ITGA9: variants seen among roughly 807,000 people sequenced by gnomAD.
ITGA9 encodes integrin alpha-9.
A neutral mutation model predicts 127.8 loss-of-function variants in ITGA9; 56 were observed. The ratio of observed to expected loss-of-function variants is 0.44; its 90% CI spans 0.35 to 0.55. The LOEUF (loss-of-function observed/expected upper bound fraction) is 0.55. ITGA9 is among the 20% of genes least tolerant of loss of function. The pLI is 0.00. For synonymous variants in ITGA9, 508 were observed against 514.5 expected (o/e 0.99, Z 0.17); for missense variants, 1,196 against 1,347.1 (o/e 0.89, Z 1.76).
intron 17 of ITGA9, among the ~76,000 whole-genome samples, chr3:37,672,941 C>A (rs1319885277): frequency 6.6e-6 from 1 of 150,774 alleles, no homozygotes; most frequent in African/African-American, 2.4e-5. Context: ...CAATACCTTT[C>A]TTGGTTAGTA....
intron 23 of ITGA9, among the ~76,000 whole-genome samples, chr3:37,752,130 A>G (rs1247199137): frequency 6.6e-6 from 1 of 152,222 alleles, no homozygotes; most frequent in Non-Finnish European, 1.5e-5. Flanking sequence ...CCTCTGCCTT[A>G]AAGCCCTCGG....
intron 15 of ITGA9, among the ~76,000 whole-genome samples, chr3:37,562,701 A>G (rs942764760): frequency 3.3e-5 from 5 of 152,198 alleles, no homozygotes; most frequent in Non-Finnish European, 5.9e-5. Context: ...TGGATTTAAA[A>G]GTGATGTTTA....
chr3:37,495,082 T>C (rs767326597), intron 5 of ITGA9, among the ~76,000 whole-genome samples: 2 of 152,130 alleles, frequency 1.3e-5, no homozygotes, highest in Non-Finnish European at 2.9e-5. Flanking sequence ...CAAGCAATTC[T>C]CTTGCCTTAG....
At chr3:37,639,895 T>A (rs1700315825) in intron 16 of ITGA9, among the ~76,000 whole-genome samples, 1 of 152,164 alleles carries the variant, frequency 6.6e-6, no homozygotes, top group African/African-American at 2.4e-5. Context: ...AGCAATGCTG[T>A]CCTTGGACTG....
At chr3:37,605,444 GA>G (rs1699959233) in intron 15 of ITGA9, among the ~76,000 whole-genome samples, 2 of 152,222 alleles carry the variant, frequency 1.3e-5, no homozygotes, top group South Asian at 4.1e-4. Context: ...AGCAAGCAGA[GA>G]GTCTGAGGTG....
chr3:37,698,892 G>T (rs1390985052), intron 18 of ITGA9, among the ~76,000 whole-genome samples: 2 of 152,104 alleles, frequency 1.3e-5, no homozygotes, highest in Admixed American at 6.6e-5. Flanking sequence ...GTTTCTTTGT[G>T]ATTTAGAGCT....
intron 23 of ITGA9, among the ~76,000 whole-genome samples, chr3:37,773,011 C>A (rs2125548096): frequency 6.6e-6 from 1 of 152,342 alleles, no homozygotes; most frequent in East Asian, 1.9e-4. Context: ...GAGGCTTAGG[C>A]TGTTTCTCAC....
At chr3:37,536,882 T>C (rs1233389154) in intron 14 of ITGA9, among the ~76,000 whole-genome samples, 1 of 152,250 alleles carries the variant, frequency 6.6e-6, no homozygotes, top group African/African-American at 2.4e-5. Context: ...TGGGAGTAAC[T>C]GCAGGAAGCA....
intron 15 of ITGA9, among the ~76,000 whole-genome samples, chr3:37,608,504 T>C (rs1699989311): frequency 6.6e-6 from 1 of 152,208 alleles, no homozygotes; most frequent in Non-Finnish European, 1.5e-5. Context: ...TGCTGGTTCA[T>C]GGACTCCAGA....
At chr3:37,566,382 T>G (rs553393876) in intron 15 of ITGA9, among the ~76,000 whole-genome samples, 1 of 152,296 alleles carries the variant, frequency 6.6e-6, no homozygotes, top group East Asian at 1.9e-4. Context: ...AGCATGCAGT[T>G]TAAAACTTGT....
At chr3:37,607,831 G>A (rs1433530031) in intron 15 of ITGA9, among the ~76,000 whole-genome samples, 1 of 152,200 alleles carries the variant, frequency 6.6e-6, no homozygotes, top group East Asian at 1.9e-4. Context: ...AGTGACATCA[G>A]GGGGCGGGGA....
intron 4 of ITGA9, among the ~76,000 whole-genome samples, chr3:37,493,875 A>G (rs913671712): frequency 3.9e-5 from 6 of 152,118 alleles, no homozygotes; most frequent in Admixed American, 2.6e-4. Flanking sequence ...GAACGCCCCC[A>G]TTTGTTGGGT....
chr3:37,813,131 G>C (rs1008243437), intron 27 of ITGA9, among the ~76,000 whole-genome samples: 1 of 152,216 alleles, frequency 6.6e-6, no homozygotes, highest in African/African-American at 2.4e-5. Flanking sequence ...TACTATAGCA[G>C]GCTGAAGGGG....
At chr3:37,456,221 C>T (rs547195856) in intron 1 of ITGA9, among the ~76,000 whole-genome samples, 4 of 152,260 alleles carry the variant, frequency 2.6e-5, no homozygotes, top group South Asian at 2.1e-4. Context: ...TTCCAGATGA[C>T]GTTTGTATCA....
In ITGA9 at chr3:37,589,372, A is replaced by G. The variant is rs147555865; in HGVS notation, c.1690-39815A>G. ...CTGGTAGCATGGGACTTACCAGTGA[A>G]CAAGAGAAGCAAAATTCCATGCCAT... On this transcript the variant is annotated intron_variant, in intron 15 of 27. Coordinates refer to ENST00000264741, the MANE Select transcript of ITGA9 (RefSeq NM_002207.3). 2.5e-4 allele frequency among the ~76,000 whole-genome samples: 38 copies of G among 152,336 alleles called. No homozygotes were observed. The East Asian group carries it at 5.8e-3, about 23-fold the overall frequency.
chr3:37,479,916 G>A (rs561138237), intron 3 of ITGA9, among the ~76,000 whole-genome samples: 4 of 152,148 alleles, frequency 2.6e-5, no homozygotes, highest in Admixed American at 6.5e-5. Context: ...GAGGTCAGAG[G>A]TAGGCCATAA....
Position 37,470,872 on chromosome 3 carries a change from C to T in ITGA9, c.186-135C>T, listed in dbSNP as rs1698423026. ...CTTTAGGACCTCTCCCCCAAGCCCA[C>T]ACAGAAAAGTATAATAATATGATTT... On this transcript the variant is annotated intron_variant, in intron 1 of 27. Coordinates refer to ENST00000264741, the MANE Select transcript of ITGA9 (RefSeq NM_002207.3). The T allele has an allele frequency of 8.0e-6, 7 of 879,764 alleles. No individual in the cohort carries two copies. In the South Asian group the frequency reaches 9.9e-5, roughly 12 times the overall value. 54.5% of individuals were successfully genotyped at this position (879,764 alleles called of 1,614,324 possible).
intron 15 of ITGA9, among the ~76,000 whole-genome samples, chr3:37,569,933 A>G (rs1268968800): frequency 6.6e-6 from 1 of 152,252 alleles, no homozygotes; most frequent in African/African-American, 2.4e-5. Context: ...CTGGTCCCTT[A>G]TATTTCAATT....
At chr3:37,610,819 A>G (rs1309571243) in intron 15 of ITGA9, among the ~76,000 whole-genome samples, 3 of 152,192 alleles carry the variant, frequency 2.0e-5, no homozygotes, top group Non-Finnish European at 4.4e-5. Flanking sequence ...TCAGGATCTC[A>G]CATTATCCAG....
Sources: gnomAD v4.1 joint callset for allele counts (sites outside exome capture counted in the v4.1 genomes callset) on GRCh38, gnomAD v4.1.1 for gene constraint, MANE v1.5 for transcripts, NCBI Gene and HGNC (gene_info 2026-07-23, HGNC 2026-07-21) for gene names.